The following ATF7IP2 variants were observed in gnomAD, a reference collection of about 807,000 sequenced individuals.
The protein encoded by ATF7IP2 is activating transcription factor 7 interacting protein 2.
Under a neutral mutation model 64.2 loss-of-function variants are expected in ATF7IP2, and 42 were observed. The ratio of observed to expected loss-of-function variants is 0.65; its 90% CI spans 0.51 to 0.85. The LOEUF (loss-of-function observed/expected upper bound fraction) is 0.85. Among genes scored for constraint, ATF7IP2 ranks in the 40% least tolerant of loss-of-function variants. The pLI, the probability that ATF7IP2 is intolerant of heterozygous loss-of-function variation, is 0.00. For synonymous variants in ATF7IP2, 308 were observed against 272.8 expected (o/e 1.13, Z -1.27); for missense variants, 933 against 784.2 (o/e 1.19, Z -2.27).
intron 1 of ATF7IP2, among the ~76,000 whole-genome samples, chr16:10,399,999 T>C (rs542589750): frequency 1.3e-5 from 2 of 152,278 alleles, no homozygotes; most frequent in South Asian, 4.1e-4. Flanking sequence ...TGATTGTTAT[T>C]GGTGTATAGA....
In ATF7IP2 at chr16:10,426,617, G is replaced by A. The variant is rs564090946; in HGVS notation, c.-159-2251G>A. On this transcript the variant is annotated intron_variant, in intron 3 of 13. Transcript: ENST00000562102. ...AATTGCACAGCCATGGTATAGCACC[G>A]TGTCCTTAAATAACTTACATCAGTG... Among the ~76,000 whole-genome samples, 16 of 152,194 alleles carry A rather than the reference G, an allele frequency of 1.1e-4. No homozygotes were observed. The East Asian group carries it at 1.9e-3, about 18-fold the overall frequency.
chr16:10,429,730 A>ATTTAT (rs1555507614), intron 4 of ATF7IP2, among the ~76,000 whole-genome samples: 26 of 87,706 alleles, frequency 3.0e-4, no homozygotes, highest in Non-Finnish European at 5.2e-4. Context: ...ATTTTATTTT[A>ATTTAT]TTTATTTTAT....
At position 10,482,297 on chromosome 16, in the gene ATF7IP2, T is replaced by C. The variant is rs1484556617; in HGVS notation, c.*48T>C. 4 of 1,393,836 alleles carry C rather than the reference T, an allele frequency of 2.9e-6. No individual in the cohort carries two copies. The South Asian group carries it at 5.6e-5, about 19-fold the overall frequency. 86.3% of individuals were successfully genotyped at this position (1,393,836 alleles called of 1,614,324 possible). On this transcript the variant is annotated 3_prime_UTR_variant, in exon 14 of 14. Transcript: ENST00000562102. Reference sequence around the variant, plus strand: ...TACTTTTTTTTTCATATTTGTTTGTTTGCAATGTTACTGTAATACTATTTG... The same window carrying C: ...TACTTTTTTTTTCATATTTGTTTGTCTGCAATGTTACTGTAATACTATTTG...
intron 6 of ATF7IP2, among the ~76,000 whole-genome samples, chr16:10,436,559 G>A (rs1317201357): frequency 6.6e-6 from 1 of 151,756 alleles, no homozygotes; most frequent in Non-Finnish European, 1.5e-5. Flanking sequence ...AGAACACTTG[G>A]AAACAGGAAG....
intron 9 of ATF7IP2, among the ~76,000 whole-genome samples, chr16:10,465,377 T>C (rs922467976): frequency 2.6e-5 from 4 of 152,066 alleles, no homozygotes; most frequent in African/African-American, 4.8e-5. Context: ...TACAAGTAGA[T>C]AACATATGTT....
chr16:10,471,550 T>TA (rs895518694), intron 9 of ATF7IP2, among the ~76,000 whole-genome samples: 15 of 150,142 alleles, frequency 1.0e-4, no homozygotes, highest in African/African-American at 2.4e-4. Flanking sequence ...AAGTCGCTCA[T>TA]AAAAAAAAAG....
chr16:10,427,642 G>A (rs2048110673), intron 3 of ATF7IP2, among the ~76,000 whole-genome samples: 2 of 152,118 alleles, frequency 1.3e-5, no homozygotes, highest in Non-Finnish European at 1.5e-5. Context: ...GATCACTTCA[G>A]CCCAGGAGTT....
intron 8 of ATF7IP2, chr16:10,449,716 C>T (rs1036988560): frequency 6.6e-6 from 1 of 152,064 alleles, no homozygotes; most frequent in African/African-American, 2.4e-5. Flanking sequence ...ATTAGTCAGG[C>T]TAGCGGTCTA....
At chr16:10,392,144 C>T (rs1417225804) in intron 1 of ATF7IP2, among the ~76,000 whole-genome samples, 1 of 151,094 alleles carries the variant, frequency 6.6e-6, no homozygotes, top group Non-Finnish European at 1.5e-5. Context: ...ACCCCCACCC[C>T]CCAGGTTCAA....
intron 11 of ATF7IP2, 90 bp from the exon 12 acceptor site, chr16:10,473,833 C>T: frequency 6.1e-6 from 5 of 815,872 alleles, no homozygotes; most frequent in Non-Finnish European, 9.5e-6. Flanking sequence ...TTTAAAATTA[C>T]CATTTAAAAT....
intron 1 of ATF7IP2, among the ~76,000 whole-genome samples, chr16:10,409,163 A>G (rs986665680): frequency 1.3e-5 from 2 of 152,098 alleles, no homozygotes; most frequent in Non-Finnish European, 1.5e-5. Context: ...CTGATTGGCT[A>G]TTTGTGGATA....
chr16:10,395,728 CCCTT>C (rs1312378370), intron 1 of ATF7IP2, among the ~76,000 whole-genome samples: 9 of 152,076 alleles, frequency 5.9e-5, no homozygotes, highest in Non-Finnish European at 1.2e-4. Flanking sequence ...GATCCAGTGT[CCCTT>C]CATGATAAAA....
intron 10 of ATF7IP2, 143 bp from the exon 11 acceptor site, chr16:10,473,336 A>C: frequency 1.8e-6 from 1 of 544,148 alleles, no homozygotes; most frequent in Non-Finnish European, 3.3e-6. Flanking sequence ...AGTCTTTGGA[A>C]TAGGTAAAGT....
intron 1 of ATF7IP2, among the ~76,000 whole-genome samples, chr16:10,401,293 G>T (rs768587703): frequency 6.6e-6 from 1 of 151,834 alleles, no homozygotes; most frequent in Non-Finnish European, 1.5e-5. Context: ...CCAGCATCCC[G>T]AGTACCTGGG....
intron 9 of ATF7IP2, among the ~76,000 whole-genome samples, chr16:10,461,822 GTATT>G (rs2049383133): frequency 6.6e-6 from 1 of 152,086 alleles, no homozygotes; most frequent in African/African-American, 2.4e-5. Flanking sequence ...CACTGGCATT[GTATT>G]TATTTAATGG....
chr16:10,434,422 C>G (rs1188315133), intron 6 of ATF7IP2, among the ~76,000 whole-genome samples: 3 of 152,150 alleles, frequency 2.0e-5, no homozygotes, highest in African/African-American at 7.2e-5. Context: ...ATTTCCCCGT[C>G]TAAACTACCC....
At chr16:10,396,381 A>G (rs1182605087) in intron 1 of ATF7IP2, among the ~76,000 whole-genome samples, 1 of 152,042 alleles carries the variant, frequency 6.6e-6, no homozygotes, top group East Asian at 1.9e-4. Flanking sequence ...TTTAAGTTTC[A>G]TATATAATTT....
intron 1 of ATF7IP2, among the ~76,000 whole-genome samples, chr16:10,391,407 T>TG (rs2047320075): frequency 6.6e-6 from 1 of 151,786 alleles, no homozygotes; most frequent in African/African-American, 2.4e-5. Context: ...GCAACAAGAG[T>TG]GAAACTCTGT....
chr16:10,447,615 T>A (rs999726591), intron 8 of ATF7IP2: 1 of 152,292 alleles, frequency 6.6e-6, no homozygotes, highest in Non-Finnish European at 1.5e-5. Context: ...GTGTCTTCCC[T>A]GCCTCCCCCA....
Sources: gnomAD v4.1 joint callset for allele counts (sites outside exome capture counted in the v4.1 genomes callset) on GRCh38, gnomAD v4.1.1 for gene constraint, MANE v1.5 for transcripts, NCBI Gene and HGNC (gene_info 2026-07-23, HGNC 2026-07-21) for gene names.